UBE3B: variants seen among roughly 807,000 people sequenced by gnomAD.
UBE3B encodes the protein ubiquitin-protein ligase E3B.
In UBE3B, 80 loss-of-function variants were observed where a neutral mutation model predicts 132.3. The observed-to-expected ratio is 0.60, with a 90% CI of 0.50 to 0.73. The LOEUF is 0.73. Ranked by LOEUF, UBE3B falls within the 30% of genes least tolerant of loss-of-function variation. The pLI, the probability that UBE3B is intolerant of heterozygous loss-of-function variation, is 0.00. For synonymous variants in UBE3B, 487 were observed against 520.4 expected, an observed-to-expected ratio of 0.94 and a Z score of 0.87; for missense variants, 1,196 against 1,362.5, an observed-to-expected ratio of 0.88 and a Z score of 1.92.
intron 4 of UBE3B, among the ~76,000 whole-genome samples, chr12:109,484,790 C>G (rs899819312): frequency 6.6e-6 from 1 of 151,568 alleles, no homozygotes; most frequent in Non-Finnish European, 1.5e-5. Context: ...CAGGGTCTCA[C>G]TGTCGCCCAG....
At chr12:109,537,594 C>T (rs1883501331), downstream of UBE3B, among the ~76,000 whole-genome samples, 1 of 152,194 alleles carries the variant, frequency 6.6e-6, no homozygotes, top group Non-Finnish European at 1.5e-5. Flanking sequence ...GTTCATGTAA[C>T]TAAAAGAAAA....
chr12:109,483,566 T>C lies in UBE3B; in HGVS notation c.15T>C (p.Ser5=), dbSNP rs1230679297. The stretch of plus-strand genomic sequence containing the variant: ...AGTTTGCAAACATGTTCACCCTGTC[T>C]CAGACCTCGAGAGCATGGTTCATCG... The part of the protein sequence containing the change: MFTL[S]QTSRAWFIDR... The change falls in exon 3 of 28, where the codon TCT becomes TCC. Residue 5 remains serine (S), a synonymous_variant. Transcript: ENST00000342494. 7 of 1,588,286 alleles carry C rather than the reference T, an allele frequency of 4.4e-6. No homozygotes were observed. The highest frequency in any genetic ancestry group is 6.0e-6 in the Non-Finnish European group (7 of 1,171,092).
At chr12:109,543,091 A>C in the UBE3B span, among the ~76,000 whole-genome samples, 1 of 152,234 alleles carries the variant, frequency 6.6e-6, no homozygotes, top group Non-Finnish European at 1.5e-5. Context: ...AGAAGCCACA[A>C]ATTCCAATGT....
intron 12 of UBE3B, among the ~76,000 whole-genome samples, chr12:109,500,287 A>T (rs1327650039): frequency 6.6e-6 from 1 of 152,252 alleles, no homozygotes; most frequent in African/African-American, 2.4e-5. Context: ...GAAACACTAG[A>T]CTAGAAGAAG....
chr12:109,535,813 GT>G lies in UBE3B; in HGVS notation c.*1041del, dbSNP rs961034894. The G allele has an allele frequency of 2.0e-5, 3 of 149,206 alleles. No homozygotes were observed. The highest frequency in any genetic ancestry group is 4.9e-5 in the African/African-American group (2 of 40,630). The allele number at this position is 149,206 out of a possible 1,614,324, so 9.2% of individuals were successfully genotyped here. A position where few individuals can be genotyped will look rare whatever the true frequency, so the allele number is the denominator to read the frequency against. ...GAGGCTCACACCCTCTGGGTTTTTTGTTTTTTTTTTAAACTTCATTTCTCTT... is the reference window on the plus strand; with the variant it reads ...GAGGCTCACACCCTCTGGGTTTTTTGTTTTTTTTTAAACTTCATTTCTCTT... On this transcript the variant is annotated 3_prime_UTR_variant, in exon 28 of 28. Transcript: ENST00000342494.
chr12:109,519,273 T>C lies in UBE3B; in HGVS notation c.2077-1875T>C, dbSNP rs887563613. Among the ~76,000 whole-genome samples the C allele has an allele frequency of 3.3e-5, 5 of 152,206 alleles. No individual in the cohort carries two copies. In the East Asian group the frequency reaches 9.6e-4, roughly 29 times the overall value. ...TTTCTAGCTCAGTATTCCCTGTGTG[T>C]GCATGTTGAGATGCAGTGAAGAAGA... On this transcript the variant is annotated intron_variant, in intron 19 of 27. Transcript: ENST00000342494.
At chr12:109,500,890 C>T (rs371668886) in intron 12 of UBE3B, among the ~76,000 whole-genome samples, 4 of 152,266 alleles carry the variant, frequency 2.6e-5, no homozygotes, top group African/African-American at 9.6e-5. Flanking sequence ...CACTAGGAGT[C>T]TCACCTCACC....
chr12:109,533,558 G>C lies in UBE3B; in HGVS notation c.3015G>C (p.Gln1005His). ...GCTGCGTGGAGGTGTCGGACGATCA[G>C]GTACCCCCACGGGGTGGGTGGGGAA... ...SIRCVEVSDDQDTGDTLGSVL... is the reference protein window; with the variant it reads ...SIRCVEVSDDHDTGDTLGSVL... Residue 1005 changes from glutamine to histidine, a missense_variant and splice_region_variant, in exon 27 of 28, where the codon CAG becomes CAC. Physicochemically the swap from Gln to His is conservative, Grantham distance 24 (BLOSUM62 0). Transcript: ENST00000342494. 1 of 1,612,934 alleles carries C rather than the reference G, an allele frequency of 6.2e-7. No homozygotes were observed. The highest frequency in any genetic ancestry group is 8.5e-7 in the Non-Finnish European group (1 of 1,179,782).
chr12:109,499,809 G>A lies in UBE3B; in HGVS notation c.1117G>A (p.Gly373Ser). ...CTGGTTCTCCCAATCTGTGGATTAT[G>A]GGTGAGTCCCAGATGCAAATCACTG... Reference protein sequence around the residue: ...LGWFSQSVDYGLNESMHLITK... With the variant: ...LGWFSQSVDYSLNESMHLITK... Residue 373 changes from glycine (G) to serine (S), a missense_variant and splice_region_variant, in exon 12 of 28, where the codon GGC becomes AGC. Transcript: ENST00000342494. 1 of 1,597,044 alleles carries A rather than the reference G, an allele frequency of 6.3e-7. No homozygotes were observed. Among genetic ancestry groups the A allele is most frequent in the Non-Finnish European group, 8.5e-7 (1 of 1,170,562 alleles).
chr12:109,497,458 CGAT>C (rs377311046), intron 9 of UBE3B, among the ~76,000 whole-genome samples: 10 of 152,128 alleles, frequency 6.6e-5, no homozygotes, highest in Admixed American at 2.0e-4. Flanking sequence ...ATAGAGAAAT[CGAT>C]TATACCAGCA....
chr12:109,484,197 A>C (rs1344560836), intron 4 of UBE3B, among the ~76,000 whole-genome samples: 1 of 152,238 alleles, frequency 6.6e-6, no homozygotes, highest in Non-Finnish European at 1.5e-5. Context: ...AGTTGAACTC[A>C]GATGCATGCA....
At chr12:109,516,621 C>T (rs973534016) in intron 18 of UBE3B, 144 bp from the exon 19 acceptor site, 2 of 1,287,826 alleles carry the variant, frequency 1.6e-6, no homozygotes, top group Non-Finnish European at 2.1e-6. Context: ...TCTCACAGGA[C>T]ACTTCTAACT....
chr12:109,498,040 T>C, intron 10 of UBE3B, 117 bp downstream of exon 10: 2 of 1,331,530 alleles, frequency 1.5e-6, no homozygotes, highest in South Asian at 1.3e-5. Flanking sequence ...TAATTGTTCT[T>C]TGGGACCAGT....
chr12:109,517,954 C>T, intron 19 of UBE3B: 1 of 447,300 alleles, frequency 2.2e-6, no homozygotes, highest in Non-Finnish European at 4.5e-6. Flanking sequence ...GTGATCAATG[C>T]CGAGAGCTGC....
downstream of UBE3B, among the ~76,000 whole-genome samples, chr12:109,539,379 T>C (rs1883559130): frequency 6.6e-6 from 1 of 152,246 alleles, no homozygotes; most frequent in South Asian, 2.1e-4. Context: ...GTTGAGAGCA[T>C]GTGCTCCAGA....
the UBE3B span, among the ~76,000 whole-genome samples, chr12:109,547,306 G>A: frequency 9.8e-5 from 15 of 152,342 alleles, no homozygotes; most frequent in East Asian, 1.2e-3. This position sits in a 1 kb window ranked among gnomAD's most constrained non-coding sequence, Gnocchi z 4.1. Flanking sequence ...AAGTCACTTC[G>A]TCTTTCCAAG....
chr12:109,530,781 C>A, intron 26 of UBE3B, 123 bp downstream of exon 26: 1 of 957,224 alleles, frequency 1.0e-6, no homozygotes, highest in Non-Finnish European at 1.6e-6. Context: ...GTCAGCACAT[C>A]CTCTCCCACA....
chr12:109,509,494 C>T, intron 15 of UBE3B, 102 bp from the exon 16 acceptor site: 1 of 698,264 alleles, frequency 1.4e-6, no homozygotes, highest in Non-Finnish European at 2.4e-6. Context: ...CAAGATAAAG[C>T]TTATTTCTCA....
downstream of UBE3B, among the ~76,000 whole-genome samples, chr12:109,540,532 C>T (rs926209439): frequency 2.6e-5 from 4 of 152,224 alleles, no homozygotes; most frequent in African/African-American, 7.2e-5. Flanking sequence ...TGCAGGGTTA[C>T]CAGTCAGGCT....
Sources: gnomAD v4.1 joint callset for allele counts (sites outside exome capture counted in the v4.1 genomes callset) on GRCh38, gnomAD v4.1.1 for gene constraint, Gnocchi (gnomAD v3.1) non-coding constraint, MANE v1.5 for transcripts, NCBI Gene and HGNC (gene_info 2026-07-23, HGNC 2026-07-21) for gene names.